BACE1: variants seen among roughly 807,000 people sequenced by gnomAD.
BACE1 encodes the protein APP beta-secretase.
In BACE1, 21 loss-of-function variants were observed where a neutral mutation model predicts 54.0. That is an observed-to-expected ratio of 0.39 (90% CI 0.28 to 0.56). The LOEUF (loss-of-function observed/expected upper bound fraction) is 0.56, where lower values mean the gene tolerates loss of function less well. Ranked by LOEUF, BACE1 falls within the 20% of genes least tolerant of loss-of-function variation. The pLI is 0.63. For missense variants in BACE1, 511 were observed against 661.2 expected (o/e 0.77, Z 2.49); for synonymous variants, 232 against 260.9 (o/e 0.89, Z 1.07).
Position 117,286,368 on chromosome 11 carries a change from T to C in BACE1, c.*3198A>G, listed in dbSNP as rs955658351. 1 of 152,232 alleles carries C rather than the reference T, an allele frequency of 6.6e-6. No individual in the cohort carries two copies. Among genetic ancestry groups the C allele is most frequent in the South Asian group, 2.1e-4 (1 of 4,832 alleles). 9.4% of individuals were successfully genotyped at this position (152,232 alleles called of 1,614,324 possible). On this transcript the variant is annotated 3_prime_UTR_variant, in exon 9 of 9. Transcript: ENST00000313005. The stretch of plus-strand genomic sequence containing the variant: ...GAAAGCTGTGACTCTATTAGAGCTT[T>C]GAATCTTTTCCTATCCTTTTATCTT...
At chr11:117,312,772 T>C (rs1201294976) in intron 1 of BACE1, among the ~76,000 whole-genome samples, 1 of 152,186 alleles carries the variant, frequency 6.6e-6, no homozygotes, top group Non-Finnish European at 1.5e-5. Flanking sequence ...CATAAATGGT[T>C]CTCAAATTTG....
Position 117,290,786 on chromosome 11 carries a change from C to T in BACE1, c.1092+114G>A, listed in dbSNP as rs2034404425. On this transcript the variant is annotated intron_variant, in intron 7 of 8. Coordinates refer to ENST00000313005, the MANE Select transcript of BACE1 (RefSeq NM_012104.6). ...TAACGGGTTTTCTGAGACCCCTTTA[C>T]TGCTGGACACTACTCATCTGTTTTG... 5 of 1,547,766 alleles carry T rather than the reference C, an allele frequency of 3.2e-6. No homozygotes were observed. The Admixed American group carries it at 8.9e-5, about 27-fold the overall frequency.
rs752815008 is a variant in BACE1 at position 117,296,912 on chromosome 11, G to A, written c.311C>T (p.Ala104Val). 6.2e-7 allele frequency: 1 copy of A among 1,613,760 alleles called. No individual in the cohort carries two copies. The highest frequency in any genetic ancestry group is 1.7e-5 in the Admixed American group (1 of 59,950). The stretch of plus-strand genomic sequence containing the variant: ...GTAGCGATGCAGGAAGGGGTGGGGG[G>A]CAGCACCCACTGCAAAGTTACTGCT... ...TGSSNFAVGAAPHPFLHRYYQ... is the reference protein window; with the variant it reads ...TGSSNFAVGAVPHPFLHRYYQ... The change falls in exon 2 of 9, where the codon GCC becomes GTC. Residue 104 changes from alanine to valine, a missense_variant. Transcript: ENST00000313005.
chr11:117,316,146 G>A lies in BACE1; in HGVS notation c.-351C>T, dbSNP rs1254936860. 2.5e-5 allele frequency: 10 copies of A among 397,854 alleles called. No individual in the cohort carries two copies. The highest frequency in any genetic ancestry group is 3.5e-5 in the Non-Finnish European group (8 of 225,948). The allele number at this position is 397,854 out of a possible 1,614,324, so 24.6% of individuals were successfully genotyped here. A position where few individuals can be genotyped will look rare whatever the true frequency, so the allele number is the denominator to read the frequency against. On this transcript the variant is annotated 5_prime_UTR_variant, in exon 1 of 9. Transcript: ENST00000313005. Reference sequence around the variant, plus strand: ...TGGTCCCCCCGGCGGGCGGCGGCGCGGGCAGGGGCAAGGGCTCCGGGCTCC... The same window carrying A: ...TGGTCCCCCCGGCGGGCGGCGGCGCAGGCAGGGGCAAGGGCTCCGGGCTCC...
Position 117,291,704 on chromosome 11 carries a change from C to T in BACE1, c.942+8G>A. On this transcript the variant is annotated splice_region_variant and intron_variant, in intron 6 of 8. Coordinates refer to ENST00000313005, the MANE Select transcript of BACE1 (RefSeq NM_012104.6). ...CATCTCTTTTACCCCCATCCTTAGT[C>T]CACTCACGGAGGAGGCTGCCTTGAT... The T allele has an allele frequency of 6.2e-7, 1 of 1,601,378 alleles. No homozygotes were observed. Among genetic ancestry groups the T allele is most frequent in the Admixed American group, 1.7e-5 (1 of 59,974 alleles).
chr11:117,301,058 C>T (rs554202168), intron 1 of BACE1, among the ~76,000 whole-genome samples: 4 of 152,250 alleles, frequency 2.6e-5, no homozygotes, highest in East Asian at 1.9e-4. Flanking sequence ...CTACAGTTAC[C>T]GGTGACTTCA....
At chr11:117,300,399 A>G (rs1340400690) in intron 1 of BACE1, among the ~76,000 whole-genome samples, 1 of 152,026 alleles carries the variant, frequency 6.6e-6, no homozygotes, top group African/African-American at 2.4e-5. Flanking sequence ...CAGCGCTTCG[A>G]ATGGGAGCCC....
intron 1 of BACE1, chr11:117,299,846 G>A (rs1355217136): frequency 3.8e-6 from 1 of 265,366 alleles, no homozygotes; most frequent in Non-Finnish European, 7.4e-6. Context: ...CAGCATGGGG[G>A]GCTGGCCTCA....
intron 1 of BACE1, among the ~76,000 whole-genome samples, chr11:117,300,353 C>T (rs1219567324): frequency 1.3e-5 from 2 of 152,240 alleles, no homozygotes; most frequent in Non-Finnish European, 2.9e-5. Flanking sequence ...CTGCGGTGTG[C>T]TCCCGCCCGA....
intron 5 of BACE1, chr11:117,292,818 G>C (rs1157402354): frequency 4.5e-6 from 2 of 443,944 alleles, no homozygotes; most frequent in Non-Finnish European, 8.1e-6. Flanking sequence ...GCAGTGACTA[G>C]AGTCCAGACA....
intron 8 of BACE1, among the ~76,000 whole-genome samples, chr11:117,290,252 ACT>A (rs748405030): frequency 6.6e-5 from 10 of 152,070 alleles, no homozygotes; most frequent in Non-Finnish European, 1.2e-4. Flanking sequence ...TACCCAGGTA[ACT>A]CTTGCTGCTC....
intron 1 of BACE1, among the ~76,000 whole-genome samples, chr11:117,300,328 C>T (rs547659895): frequency 2.0e-5 from 3 of 152,330 alleles, no homozygotes; most frequent in African/African-American, 4.8e-5. Flanking sequence ...GAGCAAATGT[C>T]GACCCGTCTG....
intron 1 of BACE1, among the ~76,000 whole-genome samples, chr11:117,310,204 C>T (rs943410554): frequency 1.4e-4 from 22 of 152,210 alleles, no homozygotes; most frequent in Non-Finnish European, 2.8e-4. Flanking sequence ...GCTGCTGAAC[C>T]TGGCCCTTTC....
chr11:117,295,564 C>G (rs1489295740), intron 2 of BACE1: 3 of 1,535,660 alleles, frequency 2.0e-6, no homozygotes, highest in Non-Finnish European at 2.6e-6. Context: ...GGCTTGCTCT[C>G]CTATCTATTG....
intron 1 of BACE1, among the ~76,000 whole-genome samples, chr11:117,298,298 T>C (rs2034648046): frequency 6.6e-6 from 1 of 150,400 alleles, no homozygotes; most frequent in Non-Finnish European, 1.5e-5. Flanking sequence ...ACACTCCGTC[T>C]CAAAAAAAAA....
At chr11:117,291,838 A>G (rs777739218) in intron 5 of BACE1, 25 bp from the exon 6 acceptor site, 1 of 1,566,464 alleles carries the variant, frequency 6.4e-7, no homozygotes, top group African/African-American at 1.4e-5. Flanking sequence ...AGAGAGTTAA[A>G]AGAGTCAAAA....
At chr11:117,294,044 C>T (rs771326970) in intron 3 of BACE1, 36 bp from the exon 4 acceptor site, 31 of 1,602,194 alleles carry the variant, frequency 1.9e-5, no homozygotes, top group African/African-American at 8.1e-5. Context: ...AGTCCTCATA[C>T]GGCCCTAAAG....
chr11:117,287,432 T>A lies in BACE1; in HGVS notation c.*2134A>T, dbSNP rs1299061560. 6.6e-6 allele frequency: 1 copy of A among 152,498 alleles called. No individual in the cohort carries two copies. Among genetic ancestry groups the A allele is most frequent in the Non-Finnish European group, 1.5e-5 (1 of 67,926 alleles). The allele number at this position is 152,498 out of a possible 1,614,324, so 9.4% of individuals were successfully genotyped here. On this transcript the variant is annotated 3_prime_UTR_variant, in exon 9 of 9. Coordinates refer to ENST00000313005, the MANE Select transcript of BACE1 (RefSeq NM_012104.6). The stretch of plus-strand genomic sequence containing the variant: ...ATACATATTTTTACAAGCAAGAAGC[T>A]GTTGTTAAGACTTTTTTTTACACTT...
Position 117,302,279 on chromosome 11 carries a change from G to A in BACE1, c.262-5318C>T, listed in dbSNP as rs1015775639. 3.7e-4 allele frequency among the ~76,000 whole-genome samples: 56 copies of A among 152,158 alleles called. 1 individual carries two copies. The highest frequency in any genetic ancestry group is 1.2e-3 in the Admixed American group (19 of 15,274). On this transcript the variant is annotated intron_variant, in intron 1 of 8. Coordinates refer to ENST00000313005, the MANE Select transcript of BACE1 (RefSeq NM_012104.6). ...ACCTGGAAGGTGGAGATTGCAGTGAGATGAGATGGCGCCACTGCACTCCCG... is the reference window on the plus strand; with the variant it reads ...ACCTGGAAGGTGGAGATTGCAGTGAAATGAGATGGCGCCACTGCACTCCCG...
Sources: allele counts gnomAD v4.1 joint callset (sites outside exome capture counted in the v4.1 genomes callset), GRCh38; gene constraint gnomAD v4.1.1; transcripts MANE v1.5; gene names NCBI Gene and HGNC (gene_info 2026-07-23, HGNC 2026-07-21).